The following RBM25 variants were observed in gnomAD, a reference collection of about 807,000 sequenced individuals.
RBM25 encodes the protein RNA-binding protein 25.
In RBM25, 19 loss-of-function variants were observed where a neutral mutation model predicts 120.7. The ratio of observed to expected loss-of-function variants is 0.16; its 90% CI spans 0.11 to 0.23. The LOEUF is 0.23. RBM25 is among the 10% of genes least tolerant of loss of function. The pLI is 1.00. For synonymous variants in RBM25, 390 were observed against 326.7 expected (o/e 1.19, Z -2.09); for missense variants, 605 against 1,041.5 (o/e 0.58, Z 5.77).
In RBM25 at chr14:73,122,939, G is replaced by C. The variant is rs931163751; in HGVS notation, c.*3134G>C. Reference sequence around the variant, plus strand: ...ATGCAGCTGAATTTTCCTTTAAGTAGATTTTAAAGAGAAAAACATTTTTTG... The same window carrying C: ...ATGCAGCTGAATTTTCCTTTAAGTACATTTTAAAGAGAAAAACATTTTTTG... On this transcript the variant is annotated 3_prime_UTR_variant, in exon 19 of 19. Coordinates refer to ENST00000261973, the MANE Select transcript of RBM25 (RefSeq NM_021239.3). The C allele has an allele frequency of 1.3e-5, 2 of 152,154 alleles. No homozygotes were observed. The highest frequency in any genetic ancestry group is 4.8e-5 in the African/African-American group (2 of 41,426). 9.4% of individuals were successfully genotyped at this position (152,154 alleles called of 1,614,324 possible).
intron 4 of RBM25, among the ~76,000 whole-genome samples, chr14:73,082,443 C>T (rs1895584493): frequency 6.6e-6 from 1 of 152,078 alleles, no homozygotes; most frequent in Admixed American, 6.6e-5. Flanking sequence ...TGGTGTGTGC[C>T]ACCACGCCCG....
chr14:73,071,321 T>G (rs1895285954), intron 1 of RBM25, among the ~76,000 whole-genome samples: 1 of 152,038 alleles, frequency 6.6e-6, no homozygotes, highest in Admixed American at 6.6e-5. Flanking sequence ...CTAAAAAGAT[T>G]CGTTTATGTG....
At chr14:73,077,313 A>G in intron 3 of RBM25, 56 bp from the exon 4 acceptor site, 1 of 1,451,834 alleles carries the variant, frequency 6.9e-7, no homozygotes, top group Non-Finnish European at 9.5e-7. Context: ...CCTAATGTTA[A>G]TTGTGGTAGG....
intron 5 of RBM25, among the ~76,000 whole-genome samples, chr14:73,084,040 G>A (rs1895626792): frequency 6.6e-6 from 1 of 151,884 alleles, no homozygotes; most frequent in South Asian, 2.1e-4. Flanking sequence ...TGGGATTACA[G>A]GTGTGCGCCA....
At chr14:73,067,634 C>T (rs1216699929) in intron 1 of RBM25, among the ~76,000 whole-genome samples, 12 of 137,416 alleles carry the variant, frequency 8.7e-5, no homozygotes, top group South Asian at 2.3e-4. Flanking sequence ...AACAGAGTCT[C>T]GCTCTGTTGC....
At chr14:73,092,776 A>G (rs1407871636) in intron 6 of RBM25, among the ~76,000 whole-genome samples, 1 of 152,010 alleles carries the variant, frequency 6.6e-6, no homozygotes, top group Non-Finnish European at 1.5e-5. Flanking sequence ...GTTGTTGCCC[A>G]GGCTGGTGTC....
intron 18 of RBM25, among the ~76,000 whole-genome samples, chr14:73,117,293 G>A (rs1487217629): frequency 1.6e-5 from 2 of 128,462 alleles, no homozygotes; most frequent in African/African-American, 3.0e-5. Flanking sequence ...TGACAGTGGC[G>A]CGATCTTGGC....
intron 9 of RBM25, chr14:73,100,804 T>C (rs1300587612): frequency 6.6e-6 from 1 of 152,426 alleles, no homozygotes; most frequent in Non-Finnish European, 1.5e-5. Flanking sequence ...TTTTCAAGAA[T>C]TAAATGTGTC....
intron 1 of RBM25, among the ~76,000 whole-genome samples, chr14:73,067,387 T>C (rs1895164167): frequency 6.6e-6 from 1 of 152,166 alleles, no homozygotes; most frequent in Non-Finnish European, 1.5e-5. Flanking sequence ...TATGTCCGTA[T>C]TATAATAATT....
At chr14:73,067,597 T>C (rs933071119) in intron 1 of RBM25, among the ~76,000 whole-genome samples, 1 of 149,774 alleles carries the variant, frequency 6.7e-6, no homozygotes, top group Non-Finnish European at 1.5e-5. Flanking sequence ...CATGTTTTAT[T>C]GCCTGTATTT....
intron 1 of RBM25, among the ~76,000 whole-genome samples, chr14:73,065,853 C>A (rs1257175408): frequency 6.6e-6 from 1 of 151,424 alleles, no homozygotes; most frequent in Non-Finnish European, 1.5e-5. Flanking sequence ...CCGCCCCTGA[C>A]CGAGAGTTTT....
chr14:73,115,991 G>T (rs183377187), intron 18 of RBM25, among the ~76,000 whole-genome samples: 3 of 152,090 alleles, frequency 2.0e-5, no homozygotes. Context: ...TCATTTAAGT[G>T]GGGGGAAAGA....
At chr14:73,113,594 G>A (rs1298954411) in intron 17 of RBM25, among the ~76,000 whole-genome samples, 2 of 151,940 alleles carry the variant, frequency 1.3e-5, no homozygotes, top group Admixed American at 1.3e-4. Context: ...GGGAGGCTGA[G>A]GCAGGAGAAT....
At chr14:73,111,180 T>G (rs1432833861) in intron 15 of RBM25, 25 bp downstream of exon 15, 1 of 1,557,002 alleles carries the variant, frequency 6.4e-7, no homozygotes. Context: ...CCTTCCTTCT[T>G]TATTTTCTTC....
rs1594942413 is a variant in RBM25, at chr14:73,121,222, G to T, written c.*1417G>T. 1 of 152,310 alleles carries T rather than the reference G, an allele frequency of 6.6e-6. No individual in the cohort carries two copies. Among genetic ancestry groups the T allele is most frequent in the African/African-American group, 2.4e-5 (1 of 41,432 alleles). The allele number at this position is 152,310 out of a possible 1,614,324, so 9.4% of individuals were successfully genotyped here. On this transcript the variant is annotated 3_prime_UTR_variant, in exon 19 of 19. Coordinates refer to ENST00000261973, the MANE Select transcript of RBM25 (RefSeq NM_021239.3). ...TTTTTTTTTTTTTTAAACACACCTG[G>T]AGAGGACATTTGAAAACACTGTTCT...
chr14:73,088,283 AATGTAGGAGGGTATTTT>A, intron 6 of RBM25, 122 bp downstream of exon 6: 1 of 1,232,640 alleles, frequency 8.1e-7, no homozygotes. Context: ...CTTGTGGCTT[AATGTAGGAGGGTATTTT>A]ATAGTTTGTA....
intron 18 of RBM25, among the ~76,000 whole-genome samples, chr14:73,115,117 G>A (rs1244053990): frequency 6.6e-6 from 1 of 151,716 alleles, no homozygotes; most frequent in Non-Finnish European, 1.5e-5. Flanking sequence ...ATAGCAGTTA[G>A]GTTAAGCATC....
At chr14:73,091,526 A>G (rs2140443980) in intron 6 of RBM25, among the ~76,000 whole-genome samples, 1 of 152,218 alleles carries the variant, frequency 6.6e-6, no homozygotes, top group South Asian at 2.1e-4. Context: ...CATTTTTTGT[A>G]TAATCAACAT....
At position 73,120,068 on chromosome 14, in the gene RBM25, A is replaced by G; in HGVS notation, c.*263A>G. 6.8e-6 allele frequency: 2 copies of G among 295,050 alleles called. No homozygotes were observed. The highest frequency in any genetic ancestry group is 1.2e-5 in the Non-Finnish European group (2 of 163,088). The allele number at this position is 295,050 out of a possible 1,614,324, so 18.3% of individuals were successfully genotyped here. A position where few individuals can be genotyped will look rare whatever the true frequency, so the allele number is the denominator to read the frequency against. ...AAGCCGCAGCTACTGTACACAGCCT[A>G]TCTGATATAATCTTGTTCTGCTGAT... On this transcript the variant is annotated 3_prime_UTR_variant, in exon 19 of 19. Transcript: ENST00000261973.
Sources: gnomAD v4.1 joint callset for allele counts (sites outside exome capture counted in the v4.1 genomes callset) on GRCh38, gnomAD v4.1.1 for gene constraint, MANE v1.5 for transcripts, NCBI Gene and HGNC (gene_info 2026-07-23, HGNC 2026-07-21) for gene names.